Variants in TEX26 observed in about 807,000 individuals in gnomAD.
TEX26 encodes testis expressed 26.
In TEX26, 34 loss-of-function variants were observed where a neutral mutation model predicts 35.3. The ratio of observed to expected loss-of-function variants is 0.96; its 90% CI spans 0.73 to 1.28. The LOEUF (loss-of-function observed/expected upper bound fraction) is 1.28, where lower values mean the gene tolerates loss of function less well. Ranked by LOEUF, TEX26 falls within the 50% of genes most tolerant of loss-of-function variation. The probability of loss-of-function intolerance (pLI) is 0.00; values close to 1 mark genes in which losing one functional copy is unlikely to be tolerated. For missense variants in TEX26, 371 were observed against 330.1 expected, an observed-to-expected ratio of 1.12 and a Z score of -0.96; for synonymous variants, 136 against 111.8, an observed-to-expected ratio of 1.22 and a Z score of -1.36.
rs751918742 is a variant in TEX26 at position 30,952,001 on chromosome 13, ATTTTTTTTTTTTTTTTTTTTTTTTTTTTT to A, written c.147-644_147-616del. On this transcript the variant is annotated intron_variant, in intron 2 of 6. Coordinates refer to ENST00000380473, the MANE Select transcript of TEX26 (RefSeq NM_152325.3). ...GAAGAAACAGAATCATTATTCTGGGATTTTTTTTTTTTTTTTTTTTTTTTTTTTTTTTTTTTTTTTTTTGGTCTCCATGA... is the reference window on the plus strand; with the variant it reads ...GAAGAAACAGAATCATTATTCTGGGATTTTTTTTTTTTTTGGTCTCCATGA... Among the ~76,000 whole-genome samples the A allele has an allele frequency of 9.5e-4, 48 of 50,716 alleles. 1 individual carries two copies. The South Asian group carries it at 0.039, about 41-fold the overall frequency. The allele number at this position is 50,716 out of a possible 152,430, so 33.3% of individuals were successfully genotyped here. A position where few individuals can be genotyped will look rare whatever the true frequency, so the allele number is the denominator to read the frequency against.
intron 4 of TEX26, 30 bp downstream of exon 4, chr13:30,957,059 G>A (rs770673539): frequency 1.9e-5 from 30 of 1,604,958 alleles, no homozygotes; most frequent in Middle Eastern, 1.7e-4. Flanking sequence ...TTTTTTTCCT[G>A]GGTCATGTGG....
chr13:30,972,692 T>C (rs1954754147), intron 6 of TEX26, among the ~76,000 whole-genome samples: 1 of 152,256 alleles, frequency 6.6e-6, no homozygotes, highest in Non-Finnish European at 1.5e-5. Context: ...TGGAGCGCAG[T>C]GGCGTGATAT....
intron 1 of TEX26, among the ~76,000 whole-genome samples, chr13:30,937,628 G>A (rs1045960878): frequency 1.3e-5 from 2 of 152,184 alleles, no homozygotes; most frequent in Non-Finnish European, 2.9e-5. Context: ...CAAGCATAAA[G>A]CGATGCCCAC....
intron 2 of TEX26, among the ~76,000 whole-genome samples, chr13:30,947,045 C>T (rs1953736085): frequency 6.6e-6 from 1 of 151,986 alleles, no homozygotes; most frequent in East Asian, 1.9e-4. Flanking sequence ...TGCTATTATA[C>T]TTCTTTGCAA....
intron 5 of TEX26, 71 bp downstream of exon 5, chr13:30,966,469 C>G (rs1954540616): frequency 3.0e-5 from 41 of 1,354,002 alleles, no homozygotes; most frequent in Non-Finnish European, 4.0e-5. Context: ...CGGAGTTTCC[C>G]TCTTGTCGCC....
chr13:30,934,750 G>A (rs1019214346), intron 1 of TEX26, among the ~76,000 whole-genome samples: 1 of 152,142 alleles, frequency 6.6e-6, no homozygotes, highest in Non-Finnish European at 1.5e-5. Flanking sequence ...TGCCGCTACA[G>A]CCGCCCAAAC....
chr13:30,954,279 CACACACACA>C (rs1954042223), intron 3 of TEX26, among the ~76,000 whole-genome samples: 1 of 1,126 alleles, frequency 8.9e-4, no homozygotes, highest in African/African-American at 1.1e-3. Flanking sequence ...TAGACCTATA[CACACACACA>C]CACACACACA....
At chr13:30,966,747 C>A (rs368128639) in intron 5 of TEX26, among the ~76,000 whole-genome samples, 139 of 152,286 alleles carry the variant, frequency 9.1e-4, no homozygotes, top group African/African-American at 3.2e-3. Flanking sequence ...CCCAGCCCAG[C>A]TGCAGTTTCT....
intron 2 of TEX26, among the ~76,000 whole-genome samples, chr13:30,946,234 G>C (rs1360948898): frequency 2.0e-5 from 3 of 151,716 alleles, no homozygotes; most frequent in African/African-American, 7.3e-5. Context: ...ACTTGTTCTA[G>C]TCTGTTAAAA....
chr13:30,954,255 A>T (rs536451902), intron 3 of TEX26, among the ~76,000 whole-genome samples: 151 of 141,416 alleles, frequency 1.1e-3, no homozygotes, highest in Admixed American at 4.0e-3. Context: ...CCTGAAAAAA[A>T]ATATATATAT....
intron 1 of TEX26, chr13:30,933,048 A>G (rs1210164107): frequency 2.7e-6 from 1 of 368,812 alleles, no homozygotes; most frequent in Non-Finnish European, 4.9e-6. Flanking sequence ...CTAAGAGGGG[A>G]CAGGAAAAAA....
At chr13:30,969,858 G>A (rs1049535869) in intron 6 of TEX26, among the ~76,000 whole-genome samples, 1 of 144,492 alleles carries the variant, frequency 6.9e-6, no homozygotes, top group Non-Finnish European at 1.5e-5. Context: ...ATCAATAAAA[G>A]TCTAATATTT....
At chr13:30,952,407 AT>A (rs1328560040) in intron 2 of TEX26, among the ~76,000 whole-genome samples, 27 of 152,312 alleles carry the variant, frequency 1.8e-4, no homozygotes, top group African/African-American at 6.5e-4. Context: ...CTTTAAAAAA[AT>A]TAATGAAATA....
At chr13:30,937,733 G>A (rs1034470152) in intron 1 of TEX26, among the ~76,000 whole-genome samples, 1 of 152,184 alleles carries the variant, frequency 6.6e-6, no homozygotes, top group Non-Finnish European at 1.5e-5. Flanking sequence ...ACAGAGTGGG[G>A]AATACAAGGG....
intron 4 of TEX26, among the ~76,000 whole-genome samples, chr13:30,957,658 G>A (rs1954187984): frequency 6.6e-6 from 1 of 152,184 alleles, no homozygotes; most frequent in Admixed American, 6.5e-5. Flanking sequence ...GAGGTGGCTT[G>A]ACACAGGGCT....
chr13:30,969,142 C>T, intron 6 of TEX26, 96 bp downstream of exon 6: 3 of 1,122,336 alleles, frequency 2.7e-6, no homozygotes, highest in South Asian at 2.2e-5. Flanking sequence ...GAGTTGAATG[C>T]CCACAAAAAT....
intron 5 of TEX26, among the ~76,000 whole-genome samples, chr13:30,966,994 AG>A (rs1405803036): frequency 1.3e-5 from 2 of 152,188 alleles, no homozygotes; most frequent in Non-Finnish European, 2.9e-5. Context: ...GGTTGGGATT[AG>A]GGGATGCTTC....
chr13:30,966,226 G>C lies in TEX26; in HGVS notation c.474G>C (p.Gln158His). 1 of 1,613,894 alleles carries C rather than the reference G, an allele frequency of 6.2e-7. No individual in the cohort carries two copies. The highest frequency in any genetic ancestry group is 8.5e-7 in the Non-Finnish European group (1 of 1,179,984). ...TCCATTTCCATTCCACCCCAGCTCA[G>C]AAGATTAAGAAAAGTTCTCACTTGT... Reference protein sequence around the residue: ...KRDFVDRSKAQKIKKSSHLSL... With the variant: ...KRDFVDRSKAHKIKKSSHLSL... The change falls in exon 5 of 7, where the codon CAG (glutamine) becomes CAC (histidine). Residue 158 changes from glutamine (Q) to histidine (H), a missense_variant. Coordinates refer to ENST00000380473, the MANE Select transcript of TEX26 (RefSeq NM_152325.3).
intron 1 of TEX26, chr13:30,936,993 G>C: frequency 2.0e-6 from 2 of 985,154 alleles, no homozygotes; most frequent in Non-Finnish European, 2.4e-6. Flanking sequence ...TAGAAATACA[G>C]CCCTTACAAA....
Sources: allele counts gnomAD v4.1 joint callset (sites outside exome capture counted in the v4.1 genomes callset), GRCh38; gene constraint gnomAD v4.1.1; transcripts MANE v1.5; gene names NCBI Gene and HGNC (gene_info 2026-07-23, HGNC 2026-07-21).